Variants in SLC38A1 observed in about 807,000 individuals in gnomAD.
The protein encoded by SLC38A1 is solute carrier family 38 member 1.
In SLC38A1, 18 loss-of-function variants were observed where a neutral mutation model predicts 60.3. The observed-to-expected ratio is 0.30, with a 90% CI of 0.21 to 0.44. The LOEUF (loss-of-function observed/expected upper bound fraction) is 0.44, where lower values mean the gene tolerates loss of function less well. SLC38A1 is among the 20% of genes least tolerant of loss of function. SLC38A1 has a pLI of 1.00. For missense variants in SLC38A1, 448 were observed against 587.2 expected, an observed-to-expected ratio of 0.76 and a Z score of 2.45; for synonymous variants, 196 against 212.1, an observed-to-expected ratio of 0.92 and a Z score of 0.66.
At chr12:46,246,165 G>C (rs555026467) in intron 1 of SLC38A1, among the ~76,000 whole-genome samples, 2 of 152,286 alleles carry the variant, frequency 1.3e-5, no homozygotes, top group East Asian at 3.9e-4. Context: ...TGGACAGTGG[G>C]TACAGCCCAC....
At chr12:46,202,201 A>T (rs1046653957) in intron 12 of SLC38A1, among the ~76,000 whole-genome samples, 33 of 128,850 alleles carry the variant, frequency 2.6e-4, no homozygotes, top group South Asian at 4.6e-4. Context: ...CAAAAAAAAA[A>T]AAATAAATAA....
At chr12:46,191,468 A>G (rs565946189) in intron 16 of SLC38A1, among the ~76,000 whole-genome samples, 152 of 152,318 alleles carry the variant, frequency 1.0e-3, no homozygotes, top group African/African-American at 3.6e-3. Context: ...AATTATGTGA[A>G]GAAAGTCAGT....
At chr12:46,263,510 G>A (rs149636545) in intron 1 of SLC38A1, among the ~76,000 whole-genome samples, 39 of 152,226 alleles carry the variant, frequency 2.6e-4, no homozygotes, top group African/African-American at 8.4e-4. Flanking sequence ...ATGCCCACAA[G>A]CTTAATTTGG....
chr12:46,251,441 A>C (rs993387586), intron 1 of SLC38A1, among the ~76,000 whole-genome samples: 1 of 152,208 alleles, frequency 6.6e-6, no homozygotes, highest in African/African-American at 2.4e-5. Flanking sequence ...ATGGGCAAGG[A>C]CTTCATGACT....
chr12:46,220,500 T>C (rs1940616165), intron 5 of SLC38A1, among the ~76,000 whole-genome samples: 1 of 152,234 alleles, frequency 6.6e-6, no homozygotes, highest in Admixed American at 6.5e-5. Flanking sequence ...CCTTATTGAC[T>C]TCCTCTTAAC....
intron 1 of SLC38A1, among the ~76,000 whole-genome samples, chr12:46,251,008 T>C (rs926739062): frequency 8.5e-5 from 13 of 152,112 alleles, no homozygotes; most frequent in Admixed American, 3.9e-4. Flanking sequence ...AAAGTTCATA[T>C]GGAACCAAAA....
intron 1 of SLC38A1, among the ~76,000 whole-genome samples, chr12:46,249,155 CAA>C (rs59948188): frequency 4.3e-5 from 2 of 46,518 alleles, no homozygotes; most frequent in Non-Finnish European, 9.2e-5. Context: ...GACTCCGCCT[CAA>C]AAAAAAAAAA....
Position 46,197,779 on chromosome 12 carries a change from A to C in SLC38A1, c.1303T>G (p.Ser435Ala), listed in dbSNP as rs768949954. Reference sequence around the variant, plus strand: ...TCTGTGATTTTTAAATAAAGAGATGAAGGAAGAATGAAAATAAGCATGTTA... The same window carrying C: ...TCTGTGATTTTTAAATAAAGAGATGCAGGAAGAATGAAAATAAGCATGTTA... ...SANMLIFILP[S>A]SLYLKITDQD... The change falls in exon 16 of 17, where the codon TCA becomes GCA. Residue 435 changes from serine (S) to alanine (A), a missense_variant. Around this residue, in one of 2 missense-constraint regions of SLC38A1, gnomAD observed 346 missense variants for 497.5 expected, o/e 0.70. Coordinates refer to ENST00000398637, the MANE Select transcript of SLC38A1 (RefSeq NM_030674.4). 2.4e-5 allele frequency: 38 copies of C among 1,602,754 alleles called. No individual in the cohort carries two copies. In the Admixed American group the frequency reaches 6.7e-4, roughly 28 times the overall value.
At chr12:46,223,724 T>C (rs1361992353) in intron 5 of SLC38A1, among the ~76,000 whole-genome samples, 2 of 152,220 alleles carry the variant, frequency 1.3e-5, no homozygotes, top group Non-Finnish European at 2.9e-5. Flanking sequence ...TTCAAAGAGA[T>C]TGTTCACAAA....
chr12:46,267,039 T>G (rs997782669), intron 1 of SLC38A1, among the ~76,000 whole-genome samples: 5 of 152,206 alleles, frequency 3.3e-5, no homozygotes, highest in African/African-American at 1.2e-4. Context: ...TTATTTCCGT[T>G]GTCCTTCTGA....
At chr12:46,208,965 C>T in intron 6 of SLC38A1, 89 bp downstream of exon 6, 1 of 885,148 alleles carries the variant, frequency 1.1e-6, no homozygotes. Flanking sequence ...AATCAAATTG[C>T]TGTACAGAGA....
At chr12:46,189,190 T>C (rs1939040056) in intron 16 of SLC38A1, 119 bp from the exon 17 acceptor site, 2 of 677,192 alleles carry the variant, frequency 3.0e-6, no homozygotes, top group African/African-American at 1.8e-5. Context: ...ATTCAGAGTT[T>C]GTCACAACCA....
chr12:46,249,168 A>AAAAAAAAAG (rs555103632), intron 1 of SLC38A1, among the ~76,000 whole-genome samples: 56,864 of 124,334 alleles, frequency 0.46, 13,434 homozygotes, highest in Non-Finnish European at 0.49. Flanking sequence ...AAAAAAAAAA[A>AAAAAAAAAG]AAAAAAAGAA....
At chr12:46,256,636 C>CACACACACACACACACACACACAG (rs142176282) in intron 1 of SLC38A1, among the ~76,000 whole-genome samples, 1 of 123,204 alleles carries the variant, frequency 8.1e-6, no homozygotes, top group African/African-American at 3.4e-5. Context: ...CACACACACA[C>CACACACACACACACACACACACAG]AGAGAGAGAG....
In SLC38A1 at chr12:46,268,834, C is replaced by T. The variant is rs1308917371; in HGVS notation, c.-517G>A. 1 of 452,036 alleles carries T rather than the reference C, an allele frequency of 2.2e-6. No homozygotes were observed. Among genetic ancestry groups the T allele is most frequent in the Non-Finnish European group, 4.5e-6 (1 of 223,878 alleles). 28.0% of individuals were successfully genotyped at this position (452,036 alleles called of 1,614,324 possible). A position where few individuals can be genotyped will look rare whatever the true frequency, so the allele number is the denominator to read the frequency against. On this transcript the variant is annotated 5_prime_UTR_variant, in exon 1 of 17. It adds an upstream start codon to the 5' untranslated region. Coordinates refer to ENST00000398637, the MANE Select transcript of SLC38A1 (RefSeq NM_030674.4). This position sits in a 1 kb window ranked among gnomAD's most constrained non-coding sequence, Gnocchi z 4.4. ...AATCTCCCCTCACCACCAACCCCCACTCACACTCTGCTCGCCGGCCTCGCA... is the reference window on the plus strand; with the variant it reads ...AATCTCCCCTCACCACCAACCCCCATTCACACTCTGCTCGCCGGCCTCGCA...
intron 16 of SLC38A1, among the ~76,000 whole-genome samples, chr12:46,189,933 C>T (rs1361476948): frequency 6.6e-6 from 1 of 151,832 alleles, no homozygotes; most frequent in Non-Finnish European, 1.5e-5. Context: ...TACCCTGTCT[C>T]AGGTATTTTT....
chr12:46,198,571 G>T, intron 14 of SLC38A1, 54 bp downstream of exon 14: 1 of 1,263,006 alleles, frequency 7.9e-7, no homozygotes, highest in Non-Finnish European at 1.1e-6. Flanking sequence ...CCTGCAGGCA[G>T]AAGGAAAGCC....
At chr12:46,219,903 T>C (rs909505875) in intron 5 of SLC38A1, among the ~76,000 whole-genome samples, 2 of 152,230 alleles carry the variant, frequency 1.3e-5, no homozygotes, top group Non-Finnish European at 2.9e-5. Context: ...CAACTCAGCA[T>C]AAATAGGACT....
At chr12:46,260,786 C>G (rs1455943842) in intron 1 of SLC38A1, among the ~76,000 whole-genome samples, 3 of 152,178 alleles carry the variant, frequency 2.0e-5, no homozygotes, top group African/African-American at 4.8e-5. Flanking sequence ...TTCACAAAAT[C>G]CTTTTCCTTT....
Sources: gnomAD v4.1 joint callset for allele counts (sites outside exome capture counted in the v4.1 genomes callset) on GRCh38, gnomAD v4.1.1 for gene constraint, gnomAD v4.1.1 regional missense constraint, Gnocchi (gnomAD v3.1) non-coding constraint, MANE v1.5 for transcripts, NCBI Gene and HGNC (gene_info 2026-07-23, HGNC 2026-07-21) for gene names.